DCHS2: variants seen among roughly 807,000 people sequenced by gnomAD.
DCHS2 encodes the protein dachsous cadherin-related 2.
A neutral mutation model predicts 182.4 loss-of-function variants in DCHS2; 142 were observed. The ratio of observed to expected loss-of-function variants is 0.78; its 90% CI spans 0.68 to 0.89. The LOEUF (loss-of-function observed/expected upper bound fraction) is 0.89, where lower values mean the gene tolerates loss of function less well. DCHS2 is among the 40% of genes least tolerant of loss of function. The probability of loss-of-function intolerance (pLI) is 0.00; values close to 1 mark genes in which losing one functional copy is unlikely to be tolerated. For missense variants in DCHS2, 4,319 were observed against 4,198.6 expected (o/e 1.03, Z -0.79); for synonymous variants, 1,740 against 1,663.3 (o/e 1.05, Z -1.12).
intron 1 of DCHS2, among the ~76,000 whole-genome samples, chr4:154,436,818 G>T (rs966983711): frequency 6.6e-6 from 1 of 152,086 alleles, no homozygotes; most frequent in Admixed American, 6.6e-5. Flanking sequence ...GAGGTATATT[G>T]TAAGTATAAA....
At chr4:154,386,649 C>T (rs1731434336) in intron 1 of DCHS2, among the ~76,000 whole-genome samples, 2 of 152,164 alleles carry the variant, frequency 1.3e-5, no homozygotes, top group African/African-American at 4.8e-5. Context: ...CACCCCTAAC[C>T]ACCCCTGCTG....
chr4:154,255,714 A>C (rs1052487179), intron 15 of DCHS2, 44 bp from the exon 16 acceptor site: 6 of 1,581,962 alleles, frequency 3.8e-6, no homozygotes, highest in Non-Finnish European at 5.2e-6. Context: ...TTATTCTGCA[A>C]TATGGGTTCA....
chr4:154,239,844 T>G (rs1169635160), intron 18 of DCHS2, among the ~76,000 whole-genome samples: 1 of 152,118 alleles, frequency 6.6e-6, no homozygotes, highest in Middle Eastern at 3.2e-3. Flanking sequence ...TTTATTCAGT[T>G]TTTTTTACTA....
chr4:154,461,559 G>T (rs1735009952), intron 1 of DCHS2, among the ~76,000 whole-genome samples: 1 of 152,064 alleles, frequency 6.6e-6, no homozygotes, highest in Non-Finnish European at 1.5e-5. Context: ...AAATGGAAAA[G>T]ATTGTGACAT....
chr4:154,319,234 A>G (rs919307238), intron 9 of DCHS2, among the ~76,000 whole-genome samples: 3 of 152,288 alleles, frequency 2.0e-5, no homozygotes, highest in East Asian at 3.9e-4. Context: ...ACCTGAAACT[A>G]TAAAGGTCCT....
chr4:154,398,918 T>G (rs1447944182), intron 1 of DCHS2, among the ~76,000 whole-genome samples: 8 of 152,166 alleles, frequency 5.3e-5, no homozygotes, highest in Non-Finnish European at 1.0e-4. Flanking sequence ...AAAGGACAGT[T>G]TTTTCTTTGA....
chr4:154,477,656 A>G (rs1735742167), intron 1 of DCHS2, among the ~76,000 whole-genome samples: 2 of 152,260 alleles, frequency 1.3e-5, no homozygotes, highest in Admixed American at 1.3e-4. Context: ...TATCTGATAC[A>G]TGATAAGAGA....
intron 14 of DCHS2, among the ~76,000 whole-genome samples, chr4:154,267,274 G>A (rs1733325015): frequency 6.6e-6 from 1 of 152,200 alleles, no homozygotes; most frequent in Non-Finnish European, 1.5e-5. Context: ...GTGTGACCTT[G>A]ATAAACCAAA....
At chr4:154,474,341 A>G (rs994346986) in intron 1 of DCHS2, among the ~76,000 whole-genome samples, 1 of 152,162 alleles carries the variant, frequency 6.6e-6, no homozygotes, top group Non-Finnish European at 1.5e-5. Flanking sequence ...ATCCCCTTTC[A>G]AGCCCAGGCA....
At chr4:154,475,596 A>G (rs1735649251) in intron 1 of DCHS2, among the ~76,000 whole-genome samples, 1 of 152,218 alleles carries the variant, frequency 6.6e-6, no homozygotes. Context: ...TAGTCAAAGT[A>G]AATCAAGAAA....
chr4:154,262,111 G>A (rs548346800), intron 14 of DCHS2: 9 of 152,290 alleles, frequency 5.9e-5, no homozygotes, highest in East Asian at 1.9e-4. Context: ...TAAATTGCCC[G>A]TGTCACTGAG....
At chr4:154,337,331 G>A (rs1333416502) in intron 3 of DCHS2, among the ~76,000 whole-genome samples, 1 of 152,070 alleles carries the variant, frequency 6.6e-6, no homozygotes, top group Non-Finnish European at 1.5e-5. Flanking sequence ...TTTATGTTGA[G>A]CCCTGATGAT....
At chr4:154,292,098 T>C (rs1734694781) in intron 13 of DCHS2, among the ~76,000 whole-genome samples, 1 of 152,142 alleles carries the variant, frequency 6.6e-6, no homozygotes, top group Admixed American at 6.6e-5. Flanking sequence ...CCTGCATAAA[T>C]TAAAAATTAA....
chr4:154,304,930 A>G, intron 11 of DCHS2, 52 bp from the exon 12 acceptor site: 1 of 1,545,252 alleles, frequency 6.5e-7, no homozygotes, highest in African/African-American at 1.4e-5. Context: ...TTCATACCTA[A>G]AATATGTTGT....
At chr4:154,403,372 G>A (rs921766738) in intron 1 of DCHS2, among the ~76,000 whole-genome samples, 1 of 151,964 alleles carries the variant, frequency 6.6e-6, no homozygotes, top group African/African-American at 2.4e-5. Flanking sequence ...AATAAGTGTT[G>A]TTTTTTCAAA....
At chr4:154,311,585 G>C (rs1392575711) in intron 10 of DCHS2, among the ~76,000 whole-genome samples, 1 of 152,012 alleles carries the variant, frequency 6.6e-6, no homozygotes, top group Admixed American at 6.6e-5. Flanking sequence ...TCACAATCAG[G>C]CATTTCTAAA....
rs1182449910 is a variant in DCHS2 at position 154,234,953 on chromosome 4, G to C, written c.9699C>G (p.His3233Gln). The part of the protein sequence containing the change: ...TSDHDGKDNY[H>Q]WNYLLSWEPK... ...GCTCCCAACTAAGAAGATAATTCCAGTGATAGTTGTCTTTTCCATCATGAT... is the reference window on the plus strand; with the variant it reads ...GCTCCCAACTAAGAAGATAATTCCACTGATAGTTGTCTTTTCCATCATGAT... The change falls in exon 20 of 20, where the codon CAC becomes CAG. Residue 3233 changes from histidine to glutamine, a missense_variant. By Grantham distance (24) the His-to-Gln change is conservative. Coordinates refer to ENST00000357232, the MANE Select transcript of DCHS2 (RefSeq NM_001358235.2). 6.2e-7 allele frequency: 1 copy of C among 1,614,118 alleles called. No homozygotes were observed. Among genetic ancestry groups the C allele is most frequent in the African/African-American group, 1.3e-5 (1 of 75,066 alleles).
intron 2 of DCHS2, among the ~76,000 whole-genome samples, chr4:154,376,885 T>C (rs1253019403): frequency 6.6e-6 from 1 of 152,188 alleles, no homozygotes; most frequent in East Asian, 1.9e-4. Flanking sequence ...AGATGGAAAC[T>C]TAAAGAATAT....
intron 1 of DCHS2, chr4:154,384,440 G>A (rs746833413): frequency 1.6e-5 from 25 of 1,609,304 alleles, no homozygotes; most frequent in Middle Eastern, 1.6e-4. Context: ...GCTCAGTCTC[G>A]GGACTACCTC....
Sources: gnomAD v4.1 joint callset for allele counts (sites outside exome capture counted in the v4.1 genomes callset) on GRCh38, gnomAD v4.1.1 for gene constraint, MANE v1.5 for transcripts, NCBI Gene and HGNC (gene_info 2026-07-23, HGNC 2026-07-21) for gene names.